The following PRKG1 variants were observed in gnomAD, a reference collection of about 807,000 sequenced individuals.
PRKG1 encodes the protein protein kinase cGMP-dependent 1, also known as cGMP-dependent protein kinase 1.
In PRKG1, 35 loss-of-function variants were observed where a neutral mutation model predicts 88.1. The ratio of observed to expected loss-of-function variants is 0.40; its 90% CI spans 0.30 to 0.53. The LOEUF (loss-of-function observed/expected upper bound fraction) is 0.53. Among genes scored for constraint, PRKG1 ranks in the 20% least tolerant of loss-of-function variants. PRKG1 has a pLI of 0.59. For synonymous variants in PRKG1, 303 were observed against 292.5 expected, an observed-to-expected ratio of 1.04 and a Z score of -0.37; for missense variants, 540 against 839.8, an observed-to-expected ratio of 0.64 and a Z score of 4.41.
chr10:50,997,963 G>A (rs1339177161), intron 1 of PRKG1, among the ~76,000 whole-genome samples: 2 of 152,094 alleles, frequency 1.3e-5, no homozygotes, highest in East Asian at 3.9e-4. Flanking sequence ...AATTATTACT[G>A]TGAAAACCCT....
chr10:52,154,307 GT>G (rs1838026017), intron 8 of PRKG1, among the ~76,000 whole-genome samples: 1 of 152,156 alleles, frequency 6.6e-6, no homozygotes, highest in Admixed American at 6.6e-5. Flanking sequence ...GGATTTGACA[GT>G]AACAGAAATC....
chr10:51,449,522 A>G (rs995043002), intron 2 of PRKG1, among the ~76,000 whole-genome samples: 1 of 147,490 alleles, frequency 6.8e-6, no homozygotes, highest in Admixed American at 6.8e-5. Flanking sequence ...TTAGGATAAC[A>G]TTAAAAATAA....
At chr10:51,933,910 T>TAACA (rs1362284780) in intron 5 of PRKG1, among the ~76,000 whole-genome samples, 7 of 152,150 alleles carry the variant, frequency 4.6e-5, no homozygotes, top group African/African-American at 1.4e-4. Context: ...CAAACATGAA[T>TAACA]AACACTTAGT....
chr10:51,336,448 A>C (rs1241528888), intron 2 of PRKG1, among the ~76,000 whole-genome samples: 2 of 152,240 alleles, frequency 1.3e-5, no homozygotes, highest in Non-Finnish European at 2.9e-5. Context: ...GAAGAGAATG[A>C]CTAGCTTGTA....
intron 3 of PRKG1, among the ~76,000 whole-genome samples, chr10:51,639,044 T>C (rs1839727551): frequency 6.6e-6 from 1 of 152,116 alleles, no homozygotes; most frequent in Admixed American, 6.5e-5. Flanking sequence ...TTTAAGGAAT[T>C]GCTTTGGATT....
chr10:52,169,156 T>C (rs1319234813), intron 9 of PRKG1, among the ~76,000 whole-genome samples: 1 of 151,976 alleles, frequency 6.6e-6, no homozygotes, highest in Non-Finnish European at 1.5e-5. Flanking sequence ...AAAGAAAGAC[T>C]GAGAAGGAGA....
At chr10:51,369,516 C>T (rs1016098848) in intron 2 of PRKG1, among the ~76,000 whole-genome samples, 1 of 152,018 alleles carries the variant, frequency 6.6e-6, no homozygotes, top group South Asian at 2.1e-4. Flanking sequence ...GGAAGGTAAA[C>T]AAAGGTTGAA....
chr10:51,331,619 C>T (rs1841743995), intron 2 of PRKG1, among the ~76,000 whole-genome samples: 1 of 152,112 alleles, frequency 6.6e-6, no homozygotes, highest in African/African-American at 2.4e-5. Flanking sequence ...CTATCATCAT[C>T]AATGTGTCTT....
intron 3 of PRKG1, among the ~76,000 whole-genome samples, chr10:51,685,393 C>T (rs7913405): frequency 0.17 from 26,299 of 152,016 alleles, 2,561 homozygotes; most frequent in African/African-American, 0.25. Context: ...TTATTTATGA[C>T]CCAACCTTCC....
chr10:51,941,455 T>C (rs1842904682), intron 5 of PRKG1, among the ~76,000 whole-genome samples: 1 of 151,834 alleles, frequency 6.6e-6, no homozygotes, highest in Non-Finnish European at 1.5e-5. Flanking sequence ...TATTATTTTA[T>C]TTTATTATTA....
chr10:51,759,440 T>C (rs1589263786), intron 3 of PRKG1, among the ~76,000 whole-genome samples: 2 of 152,186 alleles, frequency 1.3e-5, no homozygotes, highest in East Asian at 3.9e-4. Context: ...CTAATTTTTG[T>C]ATTTTTAGCA....
At chr10:51,690,926 C>CAAAAAA (rs942329676) in intron 3 of PRKG1, among the ~76,000 whole-genome samples, 5 of 37,716 alleles carry the variant, frequency 1.3e-4, no homozygotes, top group African/African-American at 1.6e-4. Flanking sequence ...GACTCTGTCT[C>CAAAAAA]AAAAAAAAAA....
At chr10:52,052,261 G>A (rs986251703) in intron 5 of PRKG1, among the ~76,000 whole-genome samples, 2 of 151,718 alleles carry the variant, frequency 1.3e-5, no homozygotes, top group South Asian at 2.1e-4. Flanking sequence ...CTATAAAAAG[G>A]CCTGACTCTA....
chr10:52,085,750 G>C (rs192004149), intron 7 of PRKG1, among the ~76,000 whole-genome samples: 377 of 152,242 alleles, frequency 2.5e-3, no homozygotes, highest in Non-Finnish European at 4.5e-3. Context: ...GGAAATTTGT[G>C]TGTGTATGTG....
At chr10:52,051,233 A>G (rs1845981626) in intron 5 of PRKG1, among the ~76,000 whole-genome samples, 1 of 152,218 alleles carries the variant, frequency 6.6e-6, no homozygotes, top group African/African-American at 2.4e-5. Flanking sequence ...CACATAGGTT[A>G]AGAGTTCTTC....
At chr10:51,283,162 C>T (rs1338467940) in intron 2 of PRKG1, among the ~76,000 whole-genome samples, 1 of 151,790 alleles carries the variant, frequency 6.6e-6, no homozygotes, top group Non-Finnish European at 1.5e-5. Flanking sequence ...GCTACTGCCA[C>T]TTTAGGAGAT....
rs375656181 is a variant in PRKG1 at position 51,007,135 on chromosome 10, G to T, written c.266+15491G>T. Among the ~76,000 whole-genome samples the T allele has an allele frequency of 3.3e-5, 5 of 151,664 alleles. No homozygotes were observed. In the South Asian group the frequency reaches 1.0e-3, roughly 32 times the overall value. On this transcript the variant is annotated intron_variant, in intron 1 of 17. Coordinates refer to the PRKG1 transcript ENST00000401604. ...TGTATTTTTAGTAGAGATGTGGGGG[G>T]TGGGTTTCACCATCTTGGCCAGGCT... is the stretch of plus-strand genomic sequence containing the variant.
intron 1 of PRKG1, among the ~76,000 whole-genome samples, chr10:51,055,156 TG>T (rs1843611331): frequency 6.6e-6 from 1 of 152,152 alleles, no homozygotes; most frequent in African/African-American, 2.4e-5. Context: ...ATCTCAGAAG[TG>T]GTATTCAGTA....
chr10:51,521,564 T>C (rs1322080702), intron 3 of PRKG1, among the ~76,000 whole-genome samples: 1 of 152,284 alleles, frequency 6.6e-6, no homozygotes, highest in African/African-American at 2.4e-5. Context: ...AAATACACTT[T>C]AAAACAATAC....
Sources: gnomAD v4.1 joint callset for allele counts (sites outside exome capture counted in the v4.1 genomes callset) on GRCh38, gnomAD v4.1.1 for gene constraint, MANE v1.5 for transcripts, NCBI Gene and HGNC (gene_info 2026-07-23, HGNC 2026-07-21) for gene names.